Variants in MYT1L observed in about 807,000 individuals in gnomAD.
MYT1L encodes the protein myelin transcription factor 1 like.
In MYT1L, 12 loss-of-function variants were observed where a neutral mutation model predicts 126.7. The ratio of observed to expected loss-of-function variants is 0.09; its 90% CI spans 0.06 to 0.15. The LOEUF (loss-of-function observed/expected upper bound fraction) is 0.15. MYT1L is among the 10% of genes least tolerant of loss of function. MYT1L has a pLI of 1.00. For missense variants in MYT1L, 979 were observed against 1,585.2 expected (o/e 0.62, Z 6.49); for synonymous variants, 541 against 604.2 (o/e 0.90, Z 1.53).
intron 3 of MYT1L, among the ~76,000 whole-genome samples, chr2:2,105,199 G>C (rs2078598084): frequency 6.6e-6 from 1 of 152,208 alleles, no homozygotes; most frequent in African/African-American, 2.4e-5. Flanking sequence ...AAGAGAGTAA[G>C]TGTTTCGGCC....
rs2048517677 is a variant in MYT1L, at chr2:1,889,179, T to C, written c.2520+62A>G. The C allele has an allele frequency of 1.5e-6, 2 of 1,368,800 alleles. No homozygotes were observed. The highest frequency in any genetic ancestry group is 1.0e-6 in the Non-Finnish European group (1 of 976,920). 84.8% of individuals were successfully genotyped at this position (1,368,800 alleles called of 1,614,324 possible). ...ATAACGTATGTGCAAATGGCTTTTC[T>C]TTCAGCTGGGGCCCCATTTTTAAGT... On this transcript the variant is annotated intron_variant, in intron 16 of 24. Coordinates refer to ENST00000647738, the MANE Select transcript of MYT1L (RefSeq NM_001303052.2). The surrounding 1 kb of genome is among the most constrained non-coding windows in gnomAD (Gnocchi z 4.1).
At chr2:1,967,664 G>A (rs757288598) in intron 8 of MYT1L, among the ~76,000 whole-genome samples, 1 of 152,200 alleles carries the variant, frequency 6.6e-6, no homozygotes, top group Non-Finnish European at 1.5e-5. Context: ...GCTGCAGCAG[G>A]GACTTCAGGC....
intron 3 of MYT1L, among the ~76,000 whole-genome samples, chr2:2,057,885 T>TA (rs772150199): frequency 3.3e-5 from 5 of 152,212 alleles, no homozygotes; most frequent in Non-Finnish European, 5.9e-5. Flanking sequence ...CTACCATGAA[T>TA]AAAGCTTCTG....
chr2:2,261,229 G>C (rs918204120), intron 2 of MYT1L, among the ~76,000 whole-genome samples: 1 of 151,790 alleles, frequency 6.6e-6, no homozygotes, highest in East Asian at 1.9e-4. Flanking sequence ...CAATTTCTTT[G>C]CATTTTGTTG....
At chr2:1,840,648 G>T in intron 20 of MYT1L, 112 bp downstream of exon 20, 1 of 754,108 alleles carries the variant, frequency 1.3e-6, no homozygotes, top group Non-Finnish European at 2.2e-6. Flanking sequence ...TCAAAGAATG[G>T]CCACTAAGAC....
At chr2:2,256,133 G>A (rs1346260724) in intron 2 of MYT1L, among the ~76,000 whole-genome samples, 6 of 152,230 alleles carry the variant, frequency 3.9e-5, no homozygotes, top group African/African-American at 9.6e-5. Flanking sequence ...GACCCCCGGT[G>A]AATAGACAGA....
chr2:2,095,422 G>A (rs538044949), intron 3 of MYT1L, among the ~76,000 whole-genome samples: 1 of 152,314 alleles, frequency 6.6e-6, no homozygotes, highest in East Asian at 1.9e-4. Context: ...TGTAGGCCCT[G>A]AATACACAAG....
At chr2:1,863,065 C>A (rs2044924011) in intron 18 of MYT1L, among the ~76,000 whole-genome samples, 3 of 152,132 alleles carry the variant, frequency 2.0e-5, no homozygotes, top group Admixed American at 2.0e-4. Context: ...GGTAGCGTGT[C>A]CAGATGTGAG....
intron 19 of MYT1L, chr2:1,841,090 A>G (rs1237467300): frequency 1.3e-5 from 5 of 377,280 alleles, no homozygotes; most frequent in African/African-American, 2.2e-5. Flanking sequence ...ATTTTTTAGT[A>G]GAGACGGGGT....
chr2:1,979,849 T>C lies in MYT1L; in HGVS notation c.1-72A>G, dbSNP rs879292277. The C allele has an allele frequency of 1.4e-6, 2 of 1,472,754 alleles. No homozygotes were observed. Among genetic ancestry groups the C allele is most frequent in the Admixed American group, 3.4e-5 (2 of 58,672 alleles). The allele number at this position is 1,472,754 out of a possible 1,614,324, so 91.2% of individuals were successfully genotyped here. On this transcript the variant is annotated intron_variant, in intron 5 of 24. Coordinates refer to ENST00000647738, the MANE Select transcript of MYT1L (RefSeq NM_001303052.2). This position sits in a 1 kb window ranked among gnomAD's most constrained non-coding sequence, Gnocchi z 4.0. ...GGCCAGCCCTGCAGGGGCGGCTCAC[T>C]CTCCCTGGCATTCTATTAATGGGGC...
intron 3 of MYT1L, among the ~76,000 whole-genome samples, chr2:2,055,520 C>T (rs2150113893): frequency 6.6e-6 from 1 of 152,318 alleles, no homozygotes; most frequent in South Asian, 2.1e-4. Flanking sequence ...ATTTCCAACA[C>T]ATTCTGAGCT....
intron 8 of MYT1L, among the ~76,000 whole-genome samples, chr2:1,952,724 TTCC>T (rs2057896346): frequency 1.9e-5 from 1 of 53,024 alleles, no homozygotes; most frequent in Non-Finnish European, 3.7e-5. Flanking sequence ...CCCTCCTTCC[TTCC>T]CTTCCCTCCT....
At chr2:2,220,614 G>C (rs2093832162) in intron 2 of MYT1L, among the ~76,000 whole-genome samples, 1 of 152,110 alleles carries the variant, frequency 6.6e-6, no homozygotes, top group Non-Finnish European at 1.5e-5. Context: ...TCTTTACAGG[G>C]GCACATTTTC....
intron 2 of MYT1L, among the ~76,000 whole-genome samples, chr2:2,266,653 C>T (rs2095136983): frequency 6.6e-6 from 1 of 152,126 alleles, no homozygotes; most frequent in African/African-American, 2.4e-5. Flanking sequence ...GCTGTGTCCC[C>T]ACCCAAATCT....
Position 1,790,752 on chromosome 2 carries a change from C to T in MYT1L, c.*1115G>A, listed in dbSNP as rs145470725. 2.1e-3 allele frequency: 325 copies of T among 155,116 alleles called. 4 individuals are homozygous for T. The highest frequency in any genetic ancestry group is 8.3e-4 in the Non-Finnish European group (58 of 69,752). 9.6% of individuals were successfully genotyped at this position (155,116 alleles called of 1,614,324 possible). On this transcript the variant is annotated 3_prime_UTR_variant, in exon 25 of 25. Coordinates refer to ENST00000647738, the MANE Select transcript of MYT1L (RefSeq NM_001303052.2). ...TTCCCACCAGATCCAGCAGAAAACTCGGTCCAGTAACTAGAAGACTCACAA... is the reference window on the plus strand; with the variant it reads ...TTCCCACCAGATCCAGCAGAAAACTTGGTCCAGTAACTAGAAGACTCACAA...
chr2:2,060,355 T>C (rs1294315565), intron 3 of MYT1L, among the ~76,000 whole-genome samples: 1 of 152,252 alleles, frequency 6.6e-6, no homozygotes, highest in Non-Finnish European at 1.5e-5. Flanking sequence ...ATTCATGATA[T>C]ATGAAAAAGA....
intron 1 of MYT1L, among the ~76,000 whole-genome samples, chr2:2,293,299 G>C (rs1326407550): frequency 6.6e-6 from 1 of 152,144 alleles, no homozygotes; most frequent in Non-Finnish European, 1.5e-5. Flanking sequence ...TATTCTTAGG[G>C]GAACCTGCCA....
At chr2:2,272,279 C>A (rs756318702) in intron 2 of MYT1L, among the ~76,000 whole-genome samples, 14 of 152,136 alleles carry the variant, frequency 9.2e-5, no homozygotes, top group Non-Finnish European at 1.8e-4. Context: ...GCCCTGTCAT[C>A]GTCCACTCCT....
intron 1 of MYT1L, among the ~76,000 whole-genome samples, chr2:2,306,516 C>T (rs2095861407): frequency 6.6e-6 from 1 of 152,184 alleles, no homozygotes; most frequent in Non-Finnish European, 1.5e-5. Flanking sequence ...TGGTCACATG[C>T]ACTCATGTGT....
Sources: gnomAD v4.1 joint callset for allele counts (sites outside exome capture counted in the v4.1 genomes callset) on GRCh38, gnomAD v4.1.1 for gene constraint, Gnocchi (gnomAD v3.1) non-coding constraint, MANE v1.5 for transcripts, NCBI Gene and HGNC (gene_info 2026-07-23, HGNC 2026-07-21) for gene names.